PDE6C: variants seen among roughly 807,000 people sequenced by gnomAD.
PDE6C encodes phosphodiesterase 6C, also known as cone cGMP-specific 3',5'-cyclic phosphodiesterase subunit alpha'.
In PDE6C, 75 loss-of-function variants were observed where a neutral mutation model predicts 113.1. That is an observed-to-expected ratio of 0.66 (90% CI 0.55 to 0.80). The LOEUF (loss-of-function observed/expected upper bound fraction) is 0.80, where lower values mean the gene tolerates loss of function less well. Ranked by LOEUF, PDE6C falls within the 30% of genes least tolerant of loss-of-function variation. The pLI is 0.00. For synonymous variants in PDE6C, 375 were observed against 363.7 expected (o/e 1.03, Z -0.35); for missense variants, 912 against 1,038.6 (o/e 0.88, Z 1.67).
intron 19 of PDE6C, 74 bp from the exon 20 acceptor site, chr10:93,662,486 T>TGG: frequency 1.7e-6 from 1 of 599,328 alleles, no homozygotes; most frequent in Non-Finnish European, 3.0e-6. Context: ...AAAAAAAAAG[T>TGG]TATCAGGACA....
intron 13 of PDE6C, 67 bp from the exon 14 acceptor site, chr10:93,640,853 G>A (rs2058556124): frequency 4.9e-6 from 5 of 1,024,826 alleles, no homozygotes; most frequent in Non-Finnish European, 7.6e-6. Flanking sequence ...ATTGCAGGCT[G>A]CACTTGGTAT....
chr10:93,632,521 G>C (rs1179479174), intron 8 of PDE6C, among the ~76,000 whole-genome samples: 1 of 152,130 alleles, frequency 6.6e-6, no homozygotes, highest in African/African-American at 2.4e-5. Flanking sequence ...TGTCAGTAAG[G>C]TCTAACTAAT....
intron 8 of PDE6C, among the ~76,000 whole-genome samples, chr10:93,629,977 C>A (rs1463835361): frequency 1.3e-5 from 2 of 152,144 alleles, no homozygotes; most frequent in Non-Finnish European, 2.9e-5. Context: ...CCTGACACAG[C>A]ATTCATGCTC....
intron 16 of PDE6C, among the ~76,000 whole-genome samples, chr10:93,658,669 C>CT (rs2058651879): frequency 2.8e-5 from 4 of 143,720 alleles, no homozygotes; most frequent in Admixed American, 1.4e-4. Context: ...TTTGTTTTTC[C>CT]CTCTCTCTCT....
rs536155598 is a variant in PDE6C at position 93,658,367 on chromosome 10, G to A, written c.2037-534G>A. Among the ~76,000 whole-genome samples the A allele has an allele frequency of 5.3e-5, 8 of 152,164 alleles. No individual in the cohort carries two copies. In the South Asian group the frequency reaches 1.7e-3, roughly 32 times the overall value. On this transcript the variant is annotated intron_variant, in intron 16 of 21. Coordinates refer to ENST00000371447, the MANE Select transcript of PDE6C (RefSeq NM_006204.4). ...TAGTAGTGAGACCAGCTGGACATCC[G>A]TGTGTTTTGGGTTCCAACTTTTTGT...
At chr10:93,638,022 C>A (rs2058542135) in intron 11 of PDE6C, among the ~76,000 whole-genome samples, 1 of 152,062 alleles carries the variant, frequency 6.6e-6, no homozygotes, top group Non-Finnish European at 1.5e-5. Flanking sequence ...TAGGGTGGAG[C>A]CCTTGTTTCT....
intron 20 of PDE6C, 144 bp from the exon 21 acceptor site, chr10:93,662,884 C>T (rs2058672507): frequency 6.6e-6 from 5 of 753,246 alleles, no homozygotes; most frequent in South Asian, 6.5e-5. Flanking sequence ...GTGTCTCTTT[C>T]CCAAACTTCA....
chr10:93,663,091 G>C lies in PDE6C; in HGVS notation c.2431G>C (p.Glu811Gln), dbSNP rs1564806944. 1.2e-6 allele frequency: 2 copies of C among 1,613,382 alleles called. No individual in the cohort carries two copies. Among genetic ancestry groups the C allele is most frequent in the Non-Finnish European group, 1.7e-6 (2 of 1,179,568 alleles). ...GAGTGGTCTTCAGAATAACAGAGTAGAATGGAAATCACTAGCTGATGAGTA... is the reference window on the plus strand; with the variant it reads ...GAGTGGTCTTCAGAATAACAGAGTACAATGGAAATCACTAGCTGATGAGTA... ...MLSGLQNNRVEWKSLADEYDA... is the reference protein window; with the variant it reads ...MLSGLQNNRVQWKSLADEYDA... The change falls in exon 21 of 22, where the codon GAA becomes CAA. Residue 811 changes from glutamate (E) to glutamine (Q), a missense_variant. Transcript: ENST00000371447.
Position 93,634,903 on chromosome 10 carries a change from C to T in PDE6C, c.1265C>T (p.Thr422Ile), listed in dbSNP as rs2058520523. 1 of 1,613,748 alleles carries T rather than the reference C, an allele frequency of 6.2e-7. No individual in the cohort carries two copies. The highest frequency in any genetic ancestry group is 1.7e-5 in the Admixed American group (1 of 59,986). The change falls in exon 9 of 22, where the codon ACC (threonine) becomes ATC (isoleucine). Residue 422 changes from threonine (T) to isoleucine (I), a missense_variant. Thr to Ile is a moderately conservative substitution (Grantham distance 89, BLOSUM62 -1). Coordinates refer to ENST00000371447, the MANE Select transcript of PDE6C (RefSeq NM_006204.4). Reference sequence around the variant, plus strand: ...TTCGATGAGCATGATGAATACATTACCGAGGCAAGTGCAATAATAAGATAA... The same window carrying T: ...TTCGATGAGCATGATGAATACATTATCGAGGCAAGTGCAATAATAAGATAA... ...KPFDEHDEYI[T>I]ETLTQFLGWS...
intron 8 of PDE6C, among the ~76,000 whole-genome samples, chr10:93,634,117 G>A (rs561323928): frequency 6.6e-6 from 1 of 152,178 alleles, no homozygotes; most frequent in African/African-American, 2.4e-5. Flanking sequence ...CTGCCTCCTG[G>A]GTTCAAGCAA....
chr10:93,613,145 T>A lies in PDE6C; in HGVS notation c.420T>A (p.Ile140=). 1 of 1,614,004 alleles carries A rather than the reference T, an allele frequency of 6.2e-7. No individual in the cohort carries two copies. The highest frequency in any genetic ancestry group is 8.5e-7 in the Non-Finnish European group (1 of 1,180,032). The change falls in exon 1 of 22, where the codon ATT becomes ATA. Residue 140 remains isoleucine (I), a synonymous_variant. Coordinates refer to ENST00000371447, the MANE Select transcript of PDE6C (RefSeq NM_006204.4). ...PDKEVVFPLD[I]GIVGWAAHTK... ...AAGAAGTTGTGTTTCCATTGGACAT[T>A]GGGATAGTGGGTTGGGCTGCTCACA...
At chr10:93,647,182 A>G (rs192776455) in intron 15 of PDE6C, among the ~76,000 whole-genome samples, 6 of 152,236 alleles carry the variant, frequency 3.9e-5, no homozygotes, top group Admixed American at 3.9e-4. Flanking sequence ...CCAAACCAAA[A>G]ATGATTAAGG....
intron 15 of PDE6C, among the ~76,000 whole-genome samples, chr10:93,654,758 CTTTCTTTCTTTCTTTCTT>C (rs1373982080): frequency 4.3e-4 from 15 of 35,128 alleles, no homozygotes; most frequent in African/African-American, 2.1e-3. Context: ...CATTTTCTTT[CTTTCTTTCTTTCTTTCTT>C]TCTTTCTTTC....
At chr10:93,661,864 G>A (rs1042298303) in intron 18 of PDE6C, among the ~76,000 whole-genome samples, 195 bp from the exon 19 acceptor site, 1 of 152,156 alleles carries the variant, frequency 6.6e-6, no homozygotes, top group Non-Finnish European at 1.5e-5. Context: ...GAACACTGAA[G>A]TAGGAAGAAA....
intron 1 of PDE6C, among the ~76,000 whole-genome samples, chr10:93,613,606 G>A (rs2134588329): frequency 6.6e-6 from 1 of 152,322 alleles, no homozygotes. Context: ...AACGTGCCCA[G>A]ATGCCAAGAC....
At chr10:93,664,328 A>T (rs2058680263) in intron 21 of PDE6C, among the ~76,000 whole-genome samples, 1 of 152,212 alleles carries the variant, frequency 6.6e-6, no homozygotes, top group Non-Finnish European at 1.5e-5. Flanking sequence ...GAAGAGTAAG[A>T]AAATATGTAC....
In PDE6C at chr10:93,612,654, C is replaced by G; in HGVS notation, c.-72C>G. 6.2e-7 allele frequency: 1 copy of G among 1,603,662 alleles called. No individual in the cohort carries two copies. The highest frequency in any genetic ancestry group is 8.5e-7 in the Non-Finnish European group (1 of 1,173,920). On this transcript the variant is annotated 5_prime_UTR_variant, in exon 1 of 22. Transcript: ENST00000371447. Reference sequence around the variant, plus strand: ...AATTTCCACCAGGATGAATTTCCTTCTCATCACTCTGCCTCAGGTAGTGCT... The same window carrying G: ...AATTTCCACCAGGATGAATTTCCTTGTCATCACTCTGCCTCAGGTAGTGCT...
chr10:93,635,356 A>G (rs2058523181), intron 9 of PDE6C, 141 bp from the exon 10 acceptor site: 2 of 675,102 alleles, frequency 3.0e-6, no homozygotes, highest in Admixed American at 2.4e-5. Flanking sequence ...GCTGATTATT[A>G]GTATGTTTTT....
intron 8 of PDE6C, 23 bp from the exon 9 acceptor site, chr10:93,634,735 T>C: frequency 1.2e-6 from 2 of 1,613,814 alleles, no homozygotes; most frequent in Non-Finnish European, 1.7e-6. Flanking sequence ...AAAAAATAAC[T>C]TGAGGTCCCT....
Sources: gnomAD v4.1 joint callset for allele counts (sites outside exome capture counted in the v4.1 genomes callset) on GRCh38, gnomAD v4.1.1 for gene constraint, MANE v1.5 for transcripts, NCBI Gene and HGNC (gene_info 2026-07-23, HGNC 2026-07-21) for gene names.